The following SESN2 variants were observed in gnomAD, a reference collection of about 807,000 sequenced individuals.
SESN2 encodes the protein sestrin 2.
A neutral mutation model predicts 56.0 loss-of-function variants in SESN2; 42 were observed. The observed-to-expected ratio is 0.75, with a 90% confidence interval of 0.59 to 0.97. The LOEUF is 0.97. Among genes scored for constraint, SESN2 ranks in the 50% least tolerant of loss-of-function variants. The pLI is 0.00. For missense variants in SESN2, 507 were observed against 649.4 expected (o/e 0.78, Z 2.38); for synonymous variants, 264 against 267.1 (o/e 0.99, Z 0.11).
At chr1:28,273,953 T>A (rs1000506782) in intron 6 of SESN2, 87 bp from the exon 7 acceptor site, 2 of 896,344 alleles carry the variant, frequency 2.2e-6, no homozygotes, top group African/African-American at 3.3e-5. Flanking sequence ...TATTCTGCCT[T>A]CCCCTCCCCC....
intron 1 of SESN2, among the ~76,000 whole-genome samples, chr1:28,264,180 T>A (rs515102): frequency 1.3e-5 from 2 of 151,724 alleles, no homozygotes; most frequent in African/African-American, 2.4e-5. Context: ...TTAGCCGGGC[T>A]TGGTGGCGCA....
chr1:28,277,968 C>T (rs1330949635), intron 8 of SESN2, among the ~76,000 whole-genome samples: 1 of 152,160 alleles, frequency 6.6e-6, no homozygotes, highest in Non-Finnish European at 1.5e-5. Context: ...CTTTGTCTTC[C>T]AAATCTGCCC....
At chr1:28,269,155 C>T (rs769882434) in intron 1 of SESN2, 28 bp from the exon 2 acceptor site, 31 of 1,572,854 alleles carry the variant, frequency 2.0e-5, no homozygotes, top group African/African-American at 2.7e-5. Flanking sequence ...CCTTCTACTA[C>T]GGACTAACCT....
intron 1 of SESN2, among the ~76,000 whole-genome samples, chr1:28,267,821 C>G (rs1454701176): frequency 6.6e-6 from 1 of 152,200 alleles, no homozygotes; most frequent in East Asian, 1.9e-4. Context: ...CTCAGATTCC[C>G]TCCGTGCCTT....
At chr1:28,275,684 G>A (rs1191594148) in intron 8 of SESN2, among the ~76,000 whole-genome samples, 3 of 151,686 alleles carry the variant, frequency 2.0e-5, no homozygotes, top group Admixed American at 6.6e-5. Context: ...CCGGGGAGGC[G>A]GAGGCTGAAG....
intron 1 of SESN2, among the ~76,000 whole-genome samples, chr1:28,266,504 C>T (rs1214496409): frequency 6.6e-6 from 1 of 150,944 alleles, no homozygotes; most frequent in Non-Finnish European, 1.5e-5. Flanking sequence ...TAAGGGATAG[C>T]AGGTGGTGGA....
chr1:28,277,107 G>C (rs893866200), intron 8 of SESN2, among the ~76,000 whole-genome samples: 50 of 150,720 alleles, frequency 3.3e-4, no homozygotes, highest in Non-Finnish European at 5.3e-4. Flanking sequence ...TGGGGTTTCA[G>C]CCTGGTAGCC....
At chr1:28,266,585 G>T (rs998950403) in intron 1 of SESN2, among the ~76,000 whole-genome samples, 7 of 141,120 alleles carry the variant, frequency 5.0e-5, no homozygotes, top group Admixed American at 3.7e-4. Flanking sequence ...TTTGAGACAG[G>T]GTCTTGCCCT....
chr1:28,272,525 T>TG, intron 4 of SESN2, 56 bp from the exon 5 acceptor site: 1 of 1,607,900 alleles, frequency 6.2e-7, no homozygotes, highest in East Asian at 2.2e-5. Context: ...TGGTGCCTGG[T>TG]GGGTAACCCA....
intron 8 of SESN2, among the ~76,000 whole-genome samples, chr1:28,278,078 C>T (rs890378478): frequency 2.0e-5 from 3 of 152,198 alleles, no homozygotes; most frequent in African/African-American, 7.2e-5. Flanking sequence ...CTTCTAGACT[C>T]ATCATCAACT....
intron 1 of SESN2, among the ~76,000 whole-genome samples, chr1:28,267,140 A>G (rs1647585244): frequency 6.6e-6 from 1 of 152,064 alleles, no homozygotes; most frequent in Admixed American, 6.5e-5. Context: ...CTTATCTCCT[A>G]TACAGAGCTG....
intron 1 of SESN2, among the ~76,000 whole-genome samples, chr1:28,261,756 T>C (rs1475911344): frequency 6.6e-6 from 1 of 151,672 alleles, no homozygotes; most frequent in Non-Finnish European, 1.5e-5. Flanking sequence ...ACTGCTGCTA[T>C]CTGGGAGGTT....
chr1:28,273,547 C>T (rs968836667), intron 6 of SESN2, 39 bp downstream of exon 6: 10 of 1,500,696 alleles, frequency 6.7e-6, no homozygotes, highest in Non-Finnish European at 8.0e-6. Flanking sequence ...GTGGCTGCTC[C>T]TTCTTAGGCT....
chr1:28,260,176 C>G (rs555368513), intron 1 of SESN2, among the ~76,000 whole-genome samples: 4 of 148,738 alleles, frequency 2.7e-5, no homozygotes, highest in Admixed American at 6.7e-5. Context: ...CTCCCCCTCT[C>G]CCTCACCGCC....
chr1:28,273,247 C>T, intron 5 of SESN2, 111 bp from the exon 6 acceptor site: 3 of 1,048,912 alleles, frequency 2.9e-6, no homozygotes, highest in Non-Finnish European at 4.0e-6. Flanking sequence ...ACAGAGGATG[C>T]CCTGGGCCTT....
intron 1 of SESN2, among the ~76,000 whole-genome samples, chr1:28,261,663 C>T (rs771553344): frequency 2.3e-4 from 35 of 152,136 alleles, no homozygotes; most frequent in African/African-American, 8.2e-4. Context: ...GTACACCCCT[C>T]TCTGGGTCAG....
In SESN2 at chr1:28,271,719, G is replaced by C. The variant is rs372078521; in HGVS notation, c.202G>C (p.Glu68Gln). 3.7e-6 allele frequency: 6 copies of C among 1,614,084 alleles called. No homozygotes were observed. The African/African-American group carries it at 8.0e-5, about 22-fold the overall frequency. The change falls in exon 3 of 10, where the codon GAG becomes CAG. Residue 68 changes from glutamate (E) to glutamine (Q), a missense_variant. Physicochemically the swap from Glu to Gln is conservative, Grantham distance 29. Coordinates refer to ENST00000253063, the MANE Select transcript of SESN2 (RefSeq NM_031459.5). ...AESLEQHLGL[E>Q]ALMSSGRVDN... ...GAGCCTCGAGCAGCACCTGGGGCTG[G>C]AGGCACTGATGTCCTCTGGGCGAGT... is the stretch of plus-strand genomic sequence containing the variant.
At chr1:28,275,054 G>GT in intron 8 of SESN2, 39 bp downstream of exon 8, 1 of 1,443,160 alleles carries the variant, frequency 6.9e-7, no homozygotes. Flanking sequence ...TGTGTGCACT[G>GT]TAAGTCTTCA....
intron 6 of SESN2, 39 bp downstream of exon 6, chr1:28,273,547 C>A: frequency 6.7e-7 from 1 of 1,500,696 alleles, no homozygotes; most frequent in Non-Finnish European, 8.9e-7. Context: ...GTGGCTGCTC[C>A]TTCTTAGGCT....
Sources: gnomAD v4.1 joint callset for allele counts (sites outside exome capture counted in the v4.1 genomes callset) on GRCh38, gnomAD v4.1.1 for gene constraint, MANE v1.5 for transcripts, NCBI Gene and HGNC (gene_info 2026-07-23, HGNC 2026-07-21) for gene names.